Variants in ZNF160 observed in about 807,000 individuals in gnomAD.
The protein encoded by ZNF160 is KRAB zinc finger protein KR18.
In ZNF160, 9 loss-of-function variants were observed where a neutral mutation model predicts 13.1. The ratio of observed to expected loss-of-function variants is 0.69; its 90% confidence interval spans 0.41 to 1.20. The LOEUF (loss-of-function observed/expected upper bound fraction) is 1.20, where lower values mean the gene tolerates loss of function less well. Among genes scored for constraint, ZNF160 ranks in the 50% most tolerant of loss-of-function variants. The pLI, the probability that ZNF160 is intolerant of heterozygous loss-of-function variation, is 0.01. For missense variants in ZNF160, 838 were observed against 988.0 expected (o/e 0.85, Z 2.04); for synonymous variants, 293 against 333.2 (o/e 0.88, Z 1.31).
At chr19:53,101,700 C>G (rs564544768) in intron 1 of ZNF160, among the ~76,000 whole-genome samples, 1 of 152,240 alleles carries the variant, frequency 6.6e-6, no homozygotes, top group South Asian at 2.1e-4. Flanking sequence ...CTGCCCCCAC[C>G]CTACCCCATC....
At position 53,069,787 on chromosome 19, in the gene ZNF160, T is replaced by C. The variant is rs1354725035; in HGVS notation, c.747A>G (p.Lys249=). The change falls in exon 6 of 6, where the codon AAA becomes AAG. Residue 249 remains lysine, a synonymous_variant. Transcript: ENST00000683776. The surrounding 1 kb of genome is among the most constrained non-coding windows in gnomAD (Gnocchi z 4.4). ...TATAAGGTTTTCCACAACTGTTTGC[T>C]TTTCGTCTTTGTGTGAGTAATGAAA... is the stretch of plus-strand genomic sequence containing the variant. The part of the protein sequence containing the change: ...NHFSLLTQRR[K]ANSCGKPYKC... 1 of 1,614,118 alleles carries C rather than the reference T, an allele frequency of 6.2e-7. No individual in the cohort carries two copies. The highest frequency in any genetic ancestry group is 2.2e-5 in the East Asian group (1 of 44,894).
chr19:53,075,731 A>G (rs368322618), intron 3 of ZNF160: 35 of 518,858 alleles, frequency 6.7e-5, no homozygotes, highest in African/African-American at 6.2e-4. Context: ...AGCATCTTCT[A>G]TAATAAATGG....
Position 53,068,019 on chromosome 19 carries a change from C to G in ZNF160, c.*58G>C. 6.5e-7 allele frequency: 1 copy of G among 1,533,272 alleles called. No individual in the cohort carries two copies. The highest frequency in any genetic ancestry group is 1.3e-5 in the South Asian group (1 of 77,280). The allele number at this position is 1,533,272 out of a possible 1,614,324, so 95.0% of individuals were successfully genotyped here. A position where few individuals can be genotyped will look rare whatever the true frequency, so the allele number is the denominator to read the frequency against. ...GTCACTACATTTGTAAGGATTCTGT[C>G]AAGAATGAAATTAACTGATGTGAAA... On this transcript the variant is annotated 3_prime_UTR_variant, in exon 6 of 6. Coordinates refer to ENST00000683776, the MANE Select transcript of ZNF160 (RefSeq NM_001322131.2).
At chr19:53,102,394 G>C (rs897593417) in intron 1 of ZNF160, among the ~76,000 whole-genome samples, 4 of 152,054 alleles carry the variant, frequency 2.6e-5, no homozygotes, top group African/African-American at 4.8e-5. Flanking sequence ...AGCTGTCCCA[G>C]CACCACGCAG....
At chr19:53,077,884 CAA>C (rs983236899) in intron 3 of ZNF160, among the ~76,000 whole-genome samples, 5 of 151,674 alleles carry the variant, frequency 3.3e-5, no homozygotes, top group African/African-American at 4.8e-5. Flanking sequence ...AGATTATCAA[CAA>C]AGAGATAAAA....
At position 53,068,442 on chromosome 19, in the gene ZNF160, T is replaced by G. The variant is rs1178607762; in HGVS notation, c.2092A>C (p.Thr698Pro). The G allele has an allele frequency of 6.2e-7, 1 of 1,613,756 alleles. No homozygotes were observed. Among genetic ancestry groups the G allele is most frequent in the Non-Finnish European group, 8.5e-7 (1 of 1,179,934 alleles). ...CGGTAAGGTTTCTCTCCGGTGTGAG[T>G]CCTTTGATGATTTGCAAGGTGTGAG... Reference protein sequence around the residue: ...QNSHLANHQRTHTGEKPYRCN... With the variant: ...QNSHLANHQRPHTGEKPYRCN... The change falls in exon 6 of 6, where the codon ACT becomes CCT. Residue 698 changes from threonine (T) to proline (P), a missense_variant. Around this residue, in one of 3 missense-constraint regions of ZNF160, gnomAD observed 400 missense variants for 538.9 expected, o/e 0.74. Transcript: ENST00000683776.
At chr19:53,089,768 T>C (rs1044756481) in intron 2 of ZNF160, among the ~76,000 whole-genome samples, 13 of 151,944 alleles carry the variant, frequency 8.6e-5, no homozygotes, top group African/African-American at 3.1e-4. Context: ...TTCCTGTGTG[T>C]TTCCCTCTCT....
chr19:53,090,137 C>T (rs1197115447), intron 2 of ZNF160, among the ~76,000 whole-genome samples: 2 of 151,866 alleles, frequency 1.3e-5, no homozygotes, highest in Non-Finnish European at 2.9e-5. Context: ...TGTGGTTCTC[C>T]CTCTGCTCTC....
rs766010627 is a variant in ZNF160 at position 53,069,799 on chromosome 19, TGTGA to T, written c.731_734del (p.Leu244HisfsTer56). The T allele has an allele frequency of 6.2e-6, 10 of 1,614,098 alleles. No homozygotes were observed. The highest frequency in any genetic ancestry group is 2.2e-5 in the East Asian group (1 of 44,900). On this transcript the variant is annotated frameshift_variant, in exon 6 of 6. Coordinates refer to ENST00000683776, the MANE Select transcript of ZNF160 (RefSeq NM_001322131.2). LOFTEE classifies it low-confidence loss of function (END_TRUNC). The surrounding 1 kb of genome is among the most constrained non-coding windows in gnomAD (Gnocchi z 4.4). ...CACAACTGTTTGCTTTTCGTCTTTG[TGTGA>T]GTAATGAAAAATGGTTAAGTTCATG...
At chr19:53,091,027 G>A (rs1303298698) in intron 2 of ZNF160, 2 of 152,158 alleles carry the variant, frequency 1.3e-5, no homozygotes, top group Admixed American at 6.5e-5. Flanking sequence ...GGGAATGAAA[G>A]AGCCATGAGG....
At chr19:53,095,122 T>C (rs1325461903) in intron 1 of ZNF160, among the ~76,000 whole-genome samples, 2 of 104,548 alleles carry the variant, frequency 1.9e-5, no homozygotes, top group African/African-American at 3.7e-5. Flanking sequence ...CCCTTTCCCA[T>C]TGCCCAGACC....
intron 1 of ZNF160, among the ~76,000 whole-genome samples, chr19:53,102,061 C>T (rs577273212): frequency 1.3e-5 from 2 of 152,104 alleles, no homozygotes; most frequent in East Asian, 1.9e-4. Flanking sequence ...CTTTTATCTT[C>T]CCCCTAGGAT....
chr19:53,068,831 T>C lies in ZNF160; in HGVS notation c.1703A>G (p.Asn568Ser). ...TTGAGCGAAGACTTTACCACATTCA[T>C]TACACTTGTAAGGTTTCTCTCCAGA... ...IHSGEKPYKC[N>S]ECGKVFAQTS... The change falls in exon 6 of 6, where the codon AAT becomes AGT. Residue 568 changes from asparagine to serine, a missense_variant. Coordinates refer to ENST00000683776, the MANE Select transcript of ZNF160 (RefSeq NM_001322131.2). 6.2e-7 allele frequency: 1 copy of C among 1,614,136 alleles called. No individual in the cohort carries two copies. The highest frequency in any genetic ancestry group is 8.5e-7 in the Non-Finnish European group (1 of 1,179,966).
Position 53,074,197 on chromosome 19 carries a change from A to C in ZNF160, c.214T>G (p.Cys72Gly). The change falls in exon 5 of 6, where the codon TGT (cysteine) becomes GGT (glycine). Residue 72 changes from cysteine (C) to glycine (G), a missense_variant. Coordinates refer to ENST00000683776, the MANE Select transcript of ZNF160 (RefSeq NM_001322131.2). ...EGKEPWTVKS[C>G]VKIARKPRTP... The stretch of plus-strand genomic sequence containing the variant: ...CTTGGTTTTCTTGCTATTTTCACAC[A>C]GCTCTTCACAGTCCAGGGCTCTTTC... 1.2e-6 allele frequency: 2 copies of C among 1,614,052 alleles called. No homozygotes were observed. The highest frequency in any genetic ancestry group is 1.7e-6 in the Non-Finnish European group (2 of 1,180,008).
At chr19:53,071,646 G>GT (rs2084180935) in intron 5 of ZNF160, among the ~76,000 whole-genome samples, 1 of 150,544 alleles carries the variant, frequency 6.6e-6, no homozygotes, top group Admixed American at 6.6e-5. Context: ...CTTAGAGACA[G>GT]TGAGATGTCT....
chr19:53,073,988 C>A, intron 5 of ZNF160, 152 bp downstream of exon 5: 1 of 705,060 alleles, frequency 1.4e-6, no homozygotes, highest in South Asian at 1.9e-5. Context: ...TAGGGTTTCA[C>A]AATGTTGGTC....
rs2084780986 is a variant in ZNF160 at position 53,085,101 on chromosome 19, G to A, written c.15+1161C>T. The A allele has an allele frequency of 4.0e-5, 37 of 921,258 alleles. 1 individual carries two copies. In the South Asian group the frequency reaches 1.8e-3, roughly 45 times the overall value. The allele number at this position is 921,258 out of a possible 1,614,324, so 57.1% of individuals were successfully genotyped here. On this transcript the variant is annotated intron_variant, in intron 3 of 5. Coordinates refer to ENST00000683776, the MANE Select transcript of ZNF160 (RefSeq NM_001322131.2). ...CCACAAGTGCTGGGATTACAGGTGT[G>A]AGCCACCATGCAGCACCCTGTGTGG... is the stretch of plus-strand genomic sequence containing the variant.
intron 2 of ZNF160, 83 bp from the exon 3 acceptor site, chr19:53,086,404 C>G (rs902532159): frequency 8.2e-7 from 1 of 1,221,350 alleles, no homozygotes; most frequent in Non-Finnish European, 1.1e-6. Flanking sequence ...TATACATCCC[C>G]TTCATGTGCC....
At chr19:53,071,588 A>T (rs2084179265) in intron 5 of ZNF160, among the ~76,000 whole-genome samples, 1 of 151,288 alleles carries the variant, frequency 6.6e-6, no homozygotes, top group Non-Finnish European at 1.5e-5. Flanking sequence ...GCCTTAGCCC[A>T]AGAGTTCAAG....
Sources: gnomAD v4.1 joint callset for allele counts (sites outside exome capture counted in the v4.1 genomes callset) on GRCh38, gnomAD v4.1.1 for gene constraint, gnomAD v4.1.1 regional missense constraint, Gnocchi (gnomAD v3.1) non-coding constraint, MANE v1.5 for transcripts, NCBI Gene and HGNC (gene_info 2026-07-23, HGNC 2026-07-21) for gene names.